Variants in SH3BP4 observed in about 807,000 individuals in gnomAD.
SH3BP4 encodes the protein SH3 domain-binding protein 4.
A neutral mutation model predicts 65.5 loss-of-function variants in SH3BP4; 33 were observed. That is an observed-to-expected ratio of 0.50 (90% CI 0.38 to 0.67). The LOEUF (loss-of-function observed/expected upper bound fraction) is 0.67, where lower values mean the gene tolerates loss of function less well. Among genes scored for constraint, SH3BP4 ranks in the 30% least tolerant of loss-of-function variants. SH3BP4 has a pLI of 0.00. For missense variants in SH3BP4, 1,134 were observed against 1,261.4 expected, an observed-to-expected ratio of 0.90 and a Z score of 1.53; for synonymous variants, 552 against 545.5, an observed-to-expected ratio of 1.01 and a Z score of -0.17.
chr2:235,020,818 T>C (rs539071993), intron 2 of SH3BP4, among the ~76,000 whole-genome samples: 1 of 152,086 alleles, frequency 6.6e-6, no homozygotes, highest in Non-Finnish European at 1.5e-5. Flanking sequence ...AGCTAAGGAG[T>C]CCTTTCAAGG....
chr2:235,009,671 T>A (rs1694412689), intron 2 of SH3BP4, among the ~76,000 whole-genome samples: 1 of 152,122 alleles, frequency 6.6e-6, no homozygotes, highest in Non-Finnish European at 1.5e-5. Context: ...ATATCCTTGA[T>A]CTGGATCTCT....
At chr2:234,984,920 C>T (rs1693500409) in intron 1 of SH3BP4, among the ~76,000 whole-genome samples, 1 of 152,188 alleles carries the variant, frequency 6.6e-6, no homozygotes, top group Non-Finnish European at 1.5e-5. Flanking sequence ...CTAGTGGCCA[C>T]TGTTAACCAA....
intron 2 of SH3BP4, among the ~76,000 whole-genome samples, chr2:235,017,445 CAAAAA>C (rs556712981): frequency 1.3e-5 from 1 of 74,982 alleles, no homozygotes. Context: ...GACTCAGTCT[CAAAAA>C]AAAAAAAAAA....
intron 2 of SH3BP4, among the ~76,000 whole-genome samples, chr2:235,007,660 A>C (rs1003387192): frequency 2.0e-5 from 3 of 152,152 alleles, no homozygotes; most frequent in African/African-American, 7.2e-5. Flanking sequence ...AGGATGAGGG[A>C]TTTCTGGGCG....
intron 1 of SH3BP4, among the ~76,000 whole-genome samples, chr2:234,966,923 G>A (rs1692851371): frequency 6.6e-6 from 1 of 152,128 alleles, no homozygotes; most frequent in South Asian, 2.1e-4. Flanking sequence ...ATCCTACTTC[G>A]CTAACTAATC....
At chr2:235,014,331 G>C (rs1559244518) in intron 2 of SH3BP4, among the ~76,000 whole-genome samples, 2 of 152,114 alleles carry the variant, frequency 1.3e-5, no homozygotes, top group African/African-American at 4.8e-5. Flanking sequence ...CTCTTTTTGG[G>C]GAGCTTACCC....
rs867118386 is a variant in SH3BP4, at chr2:235,046,819, G to A, written c.2478+3572G>A. On this transcript the variant is annotated intron_variant, in intron 4 of 5. Transcript: ENST00000392011. The surrounding 1 kb of genome is among the most constrained non-coding windows in gnomAD (Gnocchi z 4.2). Reference sequence around the variant, plus strand: ...GAATCCAAGCGGGAGGCATTCTCACGTGGCCATACCATGCTTCTGTTCTGT... The same window carrying A: ...GAATCCAAGCGGGAGGCATTCTCACATGGCCATACCATGCTTCTGTTCTGT... Among the ~76,000 whole-genome samples the A allele has an allele frequency of 1.3e-5, 2 of 152,132 alleles. No individual in the cohort carries two copies. The highest frequency in any genetic ancestry group is 6.5e-5 in the Admixed American group (1 of 15,276).
Position 235,052,277 on chromosome 2 carries a change from C to G in SH3BP4, c.2479-285C>G, listed in dbSNP as rs2106345592. ...AATCCAGAGGGACCTCATCTTAATT[C>G]TATCTGCAAAGACCCCATTTTCAAG... On this transcript the variant is annotated intron_variant, in intron 4 of 5. Transcript: ENST00000392011. This position sits in a 1 kb window ranked among gnomAD's most constrained non-coding sequence, Gnocchi z 5.0. 6.6e-6 allele frequency among the ~76,000 whole-genome samples: 1 copy of G among 152,258 alleles called. No homozygotes were observed. Among genetic ancestry groups the G allele is most frequent in the South Asian group, 2.1e-4 (1 of 4,798 alleles).
At chr2:235,050,006 C>G (rs1695996577) in intron 4 of SH3BP4, among the ~76,000 whole-genome samples, 1 of 152,148 alleles carries the variant, frequency 6.6e-6, no homozygotes, top group Non-Finnish European at 1.5e-5. Flanking sequence ...CACTTCCCCT[C>G]TCTCAGCTTC....
chr2:235,007,415 A>G (rs1032602612), intron 2 of SH3BP4, among the ~76,000 whole-genome samples: 4 of 152,084 alleles, frequency 2.6e-5, no homozygotes, highest in Admixed American at 6.5e-5. Context: ...ACACTTGGCA[A>G]TGTCTGGAGA....
Position 234,991,895 on chromosome 2 carries a change from C to G in SH3BP4, c.-206-3408C>G, listed in dbSNP as rs561923678. ...ACCTGTCCCTGCCCAGGGTCCAGTT[C>G]TGGCGTCTCTGAGCCCCCTGTCAGG... On this transcript the variant is annotated intron_variant, in intron 1 of 5. Transcript: ENST00000392011. This position sits in a 1 kb window ranked among gnomAD's most constrained non-coding sequence, Gnocchi z 4.2. 6.6e-6 allele frequency among the ~76,000 whole-genome samples: 1 copy of G among 152,346 alleles called. No individual in the cohort carries two copies. The highest frequency in any genetic ancestry group is 1.9e-4 in the East Asian group (1 of 5,184).
chr2:234,954,724 C>T (rs898418927), intron 1 of SH3BP4, among the ~76,000 whole-genome samples: 2 of 152,132 alleles, frequency 1.3e-5, no homozygotes, highest in Admixed American at 6.6e-5. Flanking sequence ...TGGTTTACGC[C>T]CTTGAATCCT....
chr2:234,963,029 C>G (rs560017309), intron 1 of SH3BP4, among the ~76,000 whole-genome samples: 1 of 152,154 alleles, frequency 6.6e-6, no homozygotes, highest in Non-Finnish European at 1.5e-5. Flanking sequence ...GGATTACAGG[C>G]GTGAGCCACC....
chr2:235,029,759 AGTTCAC>A (rs1695117763), intron 2 of SH3BP4, among the ~76,000 whole-genome samples: 3 of 152,202 alleles, frequency 2.0e-5, no homozygotes, highest in Admixed American at 2.0e-4. Context: ...AGCAAGGACC[AGTTCAC>A]GGGTGCGGCA....
In SH3BP4 at chr2:235,016,798, C is replaced by T. The variant is rs558880030; in HGVS notation, c.-132-18073C>T. Among the ~76,000 whole-genome samples, 3 of 152,294 alleles carry T rather than the reference C, an allele frequency of 2.0e-5. No individual in the cohort carries two copies. The South Asian group carries it at 6.2e-4, about 32-fold the overall frequency. Reference sequence around the variant, plus strand: ...TGCTGGGATAACAGGTGTGAGCCACCTCAACTCATCTTTTCATTCACCCTT... The same window carrying T: ...TGCTGGGATAACAGGTGTGAGCCACTTCAACTCATCTTTTCATTCACCCTT... On this transcript the variant is annotated intron_variant, in intron 2 of 5. Coordinates refer to ENST00000392011, the MANE Select transcript of SH3BP4 (RefSeq NM_014521.3).
At position 235,053,783 on chromosome 2, in the gene SH3BP4, C is replaced by T; in HGVS notation, c.2859C>T (p.Phe953=). 1 of 1,614,244 alleles carries T rather than the reference C, an allele frequency of 6.2e-7. No individual in the cohort carries two copies. Among genetic ancestry groups the T allele is most frequent in the African/African-American group, 1.3e-5 (1 of 75,074 alleles). The stretch of plus-strand genomic sequence containing the variant: ...TGGACGTTCTGAGAGCAGCCGCCTT[C>T]AGCCCTGCGGACCAGGACGACTTCG... ...NSLDVLRAAA[F]SPADQDDFVI is the part of the protein sequence containing the mutation. Residue 953 remains phenylalanine (F), a synonymous_variant, in exon 6 of 6, where the codon TTC becomes TTT. Coordinates refer to ENST00000392011, the MANE Select transcript of SH3BP4 (RefSeq NM_014521.3).
intron 2 of SH3BP4, among the ~76,000 whole-genome samples, chr2:235,027,983 T>C (rs1194655223): frequency 1.3e-5 from 2 of 152,102 alleles, no homozygotes; most frequent in Non-Finnish European, 2.9e-5. Context: ...GCGGAGGGGG[T>C]GTGTGCGGCT....
chr2:235,036,156 C>T (rs1249337021), intron 3 of SH3BP4, among the ~76,000 whole-genome samples: 4 of 152,176 alleles, frequency 2.6e-5, no homozygotes, highest in African/African-American at 9.7e-5. Context: ...TTCTCCTTCC[C>T]CTTTATCCCA....
At chr2:234,960,641 T>C (rs972240800) in intron 1 of SH3BP4, among the ~76,000 whole-genome samples, 2 of 152,134 alleles carry the variant, frequency 1.3e-5, no homozygotes, top group Non-Finnish European at 2.9e-5. Context: ...ACGCAACTGT[T>C]TGGGGCCACG....
Sources: gnomAD v4.1 joint callset for allele counts (sites outside exome capture counted in the v4.1 genomes callset) on GRCh38, gnomAD v4.1.1 for gene constraint, Gnocchi (gnomAD v3.1) non-coding constraint, MANE v1.5 for transcripts, NCBI Gene and HGNC (gene_info 2026-07-23, HGNC 2026-07-21) for gene names.